PLA2G4D: variants seen among roughly 807,000 people sequenced by gnomAD.
PLA2G4D encodes phospholipase A2 group IVD, also known as cytosolic phospholipase A2 delta.
PLA2G4D carries 80 observed loss-of-function variants against 94.4 expected under a neutral mutation model. The observed-to-expected ratio is 0.85, with a 90% CI of 0.71 to 1.02. PLA2G4D has a LOEUF of 1.02. PLA2G4D is among the 50% of genes least tolerant of loss of function. The pLI is 0.00. For synonymous variants in PLA2G4D, 438 were observed against 440.9 expected (o/e 0.99, Z 0.08); for missense variants, 1,050 against 1,034.7 (o/e 1.01, Z -0.20).
intron 6 of PLA2G4D, 147 bp from the exon 7 acceptor site, chr15:42,083,926 TC>T: frequency 1.3e-6 from 1 of 741,702 alleles, no homozygotes; most frequent in African/African-American, 1.7e-5. Context: ...CAGAGGCCCT[TC>T]ATCCCATTGC....
Position 42,070,096 on chromosome 15 carries a change from C to T in PLA2G4D, c.2044-1G>A. Reference sequence around the variant, plus strand: ...AGTACAGCTCCGTCTGCTGCAGTGCCTGGTGGGGAGAAGGTGGCCCGGAGA... The same window carrying T: ...AGTACAGCTCCGTCTGCTGCAGTGCTTGGTGGGGAGAAGGTGGCCCGGAGA... On this transcript the variant is annotated splice_acceptor_variant, in intron 18 of 19. Transcript: ENST00000290472. LOFTEE classifies it high-confidence loss of function. The T allele has an allele frequency of 6.6e-7, 1 of 1,503,904 alleles. No individual in the cohort carries two copies. The highest frequency in any genetic ancestry group is 8.9e-7 in the Non-Finnish European group (1 of 1,129,214). The allele number at this position is 1,503,904 out of a possible 1,614,324, so 93.2% of individuals were successfully genotyped here.
In PLA2G4D at chr15:42,068,513, A is replaced by C; in HGVS notation, c.*202T>G. The C allele has an allele frequency of 5.0e-6, 3 of 596,948 alleles. No individual in the cohort carries two copies. The highest frequency in any genetic ancestry group is 5.9e-6 in the Non-Finnish European group (2 of 337,166). 37.0% of individuals were successfully genotyped at this position (596,948 alleles called of 1,614,324 possible). A position where few individuals can be genotyped will look rare whatever the true frequency, so the allele number is the denominator to read the frequency against. On this transcript the variant is annotated 3_prime_UTR_variant, in exon 20 of 20. Coordinates refer to ENST00000290472, the MANE Select transcript of PLA2G4D (RefSeq NM_178034.4). The stretch of plus-strand genomic sequence containing the variant: ...TTCTACACACTGGCCTGGCGAAGTT[A>C]TTTTCAACTCATCTCAAGCCAGCCA...
At chr15:42,079,416 A>C (rs1055372401) in intron 13 of PLA2G4D, 121 bp downstream of exon 13, 1 of 959,400 alleles carries the variant, frequency 1.0e-6, no homozygotes, top group Non-Finnish European at 1.5e-6. Flanking sequence ...TGAGGCAGAC[A>C]CTAAAACACT....
At position 42,084,107 on chromosome 15, in the gene PLA2G4D, G is replaced by T. The variant is rs188972828; in HGVS notation, c.472-328C>A. On this transcript the variant is annotated intron_variant, in intron 6 of 19. Coordinates refer to ENST00000290472, the MANE Select transcript of PLA2G4D (RefSeq NM_178034.4). The surrounding 1 kb of genome is among the most constrained non-coding windows in gnomAD (Gnocchi z 4.8). ...TGTTTCCCTGTGGCTTGGAGCTGGA[G>T]GAGGTATTCTACCACAACTCCAAAT... is the stretch of plus-strand genomic sequence containing the variant. The T allele has an allele frequency of 4.2e-3, 1,345 of 321,064 alleles. 8 individuals carry two copies. The highest frequency in any genetic ancestry group is 5.3e-3 in the Non-Finnish European group (898 of 170,208). 19.9% of individuals were successfully genotyped at this position (321,064 alleles called of 1,614,324 possible). A position where few individuals can be genotyped will look rare whatever the true frequency, so the allele number is the denominator to read the frequency against.
rs1889732916 is a variant in PLA2G4D, at chr15:42,068,698, GC to G, written c.*16del. The G allele has an allele frequency of 6.3e-7, 1 of 1,588,620 alleles. No homozygotes were observed. Among genetic ancestry groups the G allele is most frequent in the South Asian group, 1.1e-5 (1 of 87,900 alleles). On this transcript the variant is annotated 3_prime_UTR_variant, in exon 20 of 20. Transcript: ENST00000290472. ...ATGCCCGCAGGCCCTGGAGGGTCCT[GC>G]AGCCTCTGAGCAACCTCAGGTCTGT...
In PLA2G4D at chr15:42,072,530, G is replaced by A. The variant is rs113850896; in HGVS notation, c.1318-138C>T. The A allele has an allele frequency of 2.0e-3, 1,377 of 682,306 alleles. 21 individuals are homozygous for A. The African/African-American group carries it at 0.021, about 10-fold the overall frequency. 42.3% of individuals were successfully genotyped at this position (682,306 alleles called of 1,614,324 possible). On this transcript the variant is annotated intron_variant, in intron 13 of 19. Coordinates refer to ENST00000290472, the MANE Select transcript of PLA2G4D (RefSeq NM_178034.4). ...CTCCCGTGGGGTCTGGGGACCATATGTGGGTCAGTTCCCACTCCTGCCCCT... is the reference window on the plus strand; with the variant it reads ...CTCCCGTGGGGTCTGGGGACCATATATGGGTCAGTTCCCACTCCTGCCCCT...
Position 42,070,126 on chromosome 15 carries a change from C to A in PLA2G4D, c.2044-31G>T, listed in dbSNP as rs572038205. On this transcript the variant is annotated intron_variant, in intron 18 of 19. Coordinates refer to ENST00000290472, the MANE Select transcript of PLA2G4D (RefSeq NM_178034.4). ...GGGGAGAAGGTGGCCCGGAGAGAAC[C>A]AGCCCGGCCCAGGTCAATGCTGGGC... 3.4e-4 allele frequency: 495 copies of A among 1,461,496 alleles called. 8 individuals carry two copies. The South Asian group carries it at 6.6e-3, about 19-fold the overall frequency. The allele number at this position is 1,461,496 out of a possible 1,614,324, so 90.5% of individuals were successfully genotyped here.
chr15:42,079,811 G>A (rs766951636), intron 12 of PLA2G4D, 52 bp from the exon 13 acceptor site: 4 of 1,531,150 alleles, frequency 2.6e-6, no homozygotes, highest in Admixed American at 4.3e-5. Flanking sequence ...AGCATGGGGC[G>A]CTGCAACTCC....
In PLA2G4D at chr15:42,094,536, C is replaced by T; in HGVS notation, c.-77G>A. 2.6e-6 allele frequency: 4 copies of T among 1,561,292 alleles called. 1 individual carries two copies. The South Asian group carries it at 4.5e-5, about 18-fold the overall frequency. On this transcript the variant is annotated 5_prime_UTR_variant, in exon 1 of 20. It introduces an in-frame stop codon into an upstream open reading frame of the 5' UTR. Coordinates refer to ENST00000290472, the MANE Select transcript of PLA2G4D (RefSeq NM_178034.4). ...CTCTGGCTGAGTGGCAGCGACGGTCCCAGTGGGATAGGACCAGCATGAATC... is the reference window on the plus strand; with the variant it reads ...CTCTGGCTGAGTGGCAGCGACGGTCTCAGTGGGATAGGACCAGCATGAATC...
In PLA2G4D at chr15:42,067,812, C is replaced by A. The variant is rs1047471797; in HGVS notation, c.*903G>T. 1 of 152,198 alleles carries A rather than the reference C, an allele frequency of 6.6e-6. No individual in the cohort carries two copies. Among genetic ancestry groups the A allele is most frequent in the Non-Finnish European group, 1.5e-5 (1 of 68,034 alleles). 9.4% of individuals were successfully genotyped at this position (152,198 alleles called of 1,614,324 possible). On this transcript the variant is annotated 3_prime_UTR_variant, in exon 20 of 20. Transcript: ENST00000290472. ...TAGAAATAAAAGAGAACTTTCTCAA[C>A]CTGATAAGGATGTCCAAGAAAAACC...
chr15:42,075,765 T>C (rs1889908241), intron 13 of PLA2G4D, among the ~76,000 whole-genome samples: 1 of 152,078 alleles, frequency 6.6e-6, no homozygotes, highest in Non-Finnish European at 1.5e-5. Flanking sequence ...TGCATGCCTG[T>C]AGTCGCAGGT....
At chr15:42,081,638 G>A (rs1459757246) in intron 10 of PLA2G4D, 24 bp from the exon 11 acceptor site, 1 of 1,613,004 alleles carries the variant, frequency 6.2e-7, no homozygotes, top group South Asian at 1.1e-5. Context: ...GGATCCAGGG[G>A]TCAGGGGACA....
At chr15:42,081,334 A>T in intron 11 of PLA2G4D, 145 bp downstream of exon 11, 1 of 1,443,582 alleles carries the variant, frequency 6.9e-7, no homozygotes, top group Non-Finnish European at 9.3e-7. Context: ...AGGGAGTTAG[A>T]ACCACAAAGC....
intron 7 of PLA2G4D, 36 bp from the exon 8 acceptor site, chr15:42,083,370 G>A: frequency 6.3e-7 from 1 of 1,593,324 alleles, no homozygotes. Flanking sequence ...ATGAGAACAA[G>A]AGCCCGGAAC....
In PLA2G4D at chr15:42,072,398, G is replaced by A. The variant is rs1889844522; in HGVS notation, c.1318-6C>T. 1.9e-6 allele frequency: 3 copies of A among 1,610,496 alleles called. No individual in the cohort carries two copies. Among genetic ancestry groups the A allele is most frequent in the Non-Finnish European group, 2.5e-6 (3 of 1,178,306 alleles). ...GACAGCTTCTGATCCATCACCTGGG[G>A]CCAGAGGGCATCAGGGCCTAAGTGA... On this transcript the variant is annotated splice_polypyrimidine_tract_variant and splice_region_variant and intron_variant, in intron 13 of 19. Transcript: ENST00000290472.
chr15:42,079,636 C>T lies in PLA2G4D; in HGVS notation c.1218G>A (p.Ala406=), dbSNP rs757688840. 5.0e-6 allele frequency: 8 copies of T among 1,612,302 alleles called. No individual in the cohort carries two copies. Among genetic ancestry groups the T allele is most frequent in the South Asian group, 4.4e-5 (4 of 90,842 alleles). The part of the protein sequence containing the change: ...KLEVFSPERL[A]SYRRELELRA... The stretch of plus-strand genomic sequence containing the variant: ...GCAGCTCCAGCTCCCGGCGGTAGCT[C>T]GCCAGGCGCTCTGGGGAAAAGACCT... The change falls in exon 13 of 20, where the codon GCG becomes GCA. Residue 406 remains alanine, a synonymous_variant. Coordinates refer to ENST00000290472, the MANE Select transcript of PLA2G4D (RefSeq NM_178034.4).
intron 18 of PLA2G4D, 135 bp from the exon 19 acceptor site, chr15:42,070,230 A>G: frequency 1.1e-6 from 1 of 895,792 alleles, no homozygotes; most frequent in Non-Finnish European, 1.6e-6. Context: ...GCCAAGCTGC[A>G]GAGTGACTCG....
rs545869128 is a variant in PLA2G4D, at chr15:42,073,279, G to GT, written c.1318-888dup. Reference sequence around the variant, plus strand: ...GTCCCAAAGTGCTGGGATTACAGGCGTGAGGCACCATGCCTGGCCCAAGCT... The same window carrying GT: ...GTCCCAAAGTGCTGGGATTACAGGCGTTGAGGCACCATGCCTGGCCCAAGCT... On this transcript the variant is annotated intron_variant, in intron 13 of 19. Transcript: ENST00000290472. Among the ~76,000 whole-genome samples, 557 of 152,340 alleles carry GT rather than the reference G, an allele frequency of 3.7e-3. 2 individuals are homozygous for GT. The highest frequency in any genetic ancestry group is 0.013 in the African/African-American group (540 of 41,588).
intron 14 of PLA2G4D, 54 bp from the exon 15 acceptor site, chr15:42,071,965 C>A: frequency 6.3e-7 from 1 of 1,589,756 alleles, no homozygotes; most frequent in East Asian, 2.3e-5. Context: ...TTGCGGGAGT[C>A]CCCAGCTCTG....
Sources: gnomAD v4.1 joint callset for allele counts (sites outside exome capture counted in the v4.1 genomes callset) on GRCh38, gnomAD v4.1.1 for gene constraint, Gnocchi (gnomAD v3.1) non-coding constraint, MANE v1.5 for transcripts, NCBI Gene and HGNC (gene_info 2026-07-23, HGNC 2026-07-21) for gene names.